The following PTPRZ1 variants were observed in gnomAD, a reference collection of about 807,000 sequenced individuals.
PTPRZ1 encodes receptor-type tyrosine-protein phosphatase zeta.
Under a neutral mutation model 214.1 loss-of-function variants are expected in PTPRZ1, and 82 were observed. The observed-to-expected ratio is 0.38, with a 90% CI of 0.32 to 0.46. The LOEUF (loss-of-function observed/expected upper bound fraction) is 0.46, where lower values mean the gene tolerates loss of function less well. Ranked by LOEUF, PTPRZ1 falls within the 20% of genes least tolerant of loss-of-function variation. PTPRZ1 has a pLI of 1.00. For missense variants in PTPRZ1, 2,603 were observed against 2,748.7 expected (o/e 0.95, Z 1.19); for synonymous variants, 945 against 987.9 (o/e 0.96, Z 0.81).
At chr7:122,015,923 CTG>C (rs1184432651) in intron 12 of PTPRZ1, among the ~76,000 whole-genome samples, 1 of 152,004 alleles carries the variant, frequency 6.6e-6, no homozygotes, top group African/African-American at 2.4e-5. Context: ...ATTTTTAAAA[CTG>C]TATCTATAAA....
At chr7:121,898,864 T>C (rs968651332) in intron 1 of PTPRZ1, among the ~76,000 whole-genome samples, 5 of 151,978 alleles carry the variant, frequency 3.3e-5, no homozygotes, top group African/African-American at 1.2e-4. Context: ...TAGAACAGAG[T>C]GTGTGTTCAA....
chr7:122,026,834 A>C (rs533420517), intron 13 of PTPRZ1, among the ~76,000 whole-genome samples: 1 of 152,188 alleles, frequency 6.6e-6, no homozygotes, highest in Non-Finnish European at 1.5e-5. Context: ...CAAGGTTATA[A>C]GTAAACTATA....
At position 122,010,910 on chromosome 7, in the gene PTPRZ1, C is replaced by T; in HGVS notation, c.1864C>T (p.Leu622Phe). Residue 622 changes from leucine (L) to phenylalanine (F), a missense_variant, in exon 12 of 30, where the codon CTT becomes TTT. By Grantham distance (22) the Leu-to-Phe change is conservative (BLOSUM62 0). Around this residue, in one of 6 missense-constraint regions of PTPRZ1, gnomAD observed 1,913 missense variants for 1,914.3 expected, o/e 1.00. Coordinates refer to ENST00000393386, the MANE Select transcript of PTPRZ1 (RefSeq NM_002851.3). ...CCCAGAGACAATAACATATGATGTC[C>T]TTATACCAGAATCTGCTAGAAATGC... ...ENPETITYDVLIPESARNASE... is the reference protein window; with the variant it reads ...ENPETITYDVFIPESARNASE... 1 of 1,614,024 alleles carries T rather than the reference C, an allele frequency of 6.2e-7. No individual in the cohort carries two copies. Among genetic ancestry groups the T allele is most frequent in the Non-Finnish European group, 8.5e-7 (1 of 1,179,982 alleles).
intron 2 of PTPRZ1, among the ~76,000 whole-genome samples, chr7:121,956,740 G>T (rs80263330): frequency 0.019 from 2,945 of 152,300 alleles, 86 homozygotes; most frequent in African/African-American, 0.067. Context: ...GAAAACATAA[G>T]AACTAATTTG....
chr7:121,874,577 C>A (rs988969865), intron 1 of PTPRZ1, among the ~76,000 whole-genome samples: 1 of 152,132 alleles, frequency 6.6e-6, no homozygotes, highest in African/African-American at 2.4e-5. Flanking sequence ...AGATATTAAG[C>A]GTACATTTTC....
chr7:121,915,410 A>G (rs1795396877), intron 1 of PTPRZ1, among the ~76,000 whole-genome samples: 1 of 152,202 alleles, frequency 6.6e-6, no homozygotes, highest in African/African-American at 2.4e-5. Context: ...TTTAAATAGT[A>G]TGTGAAGCAA....
At chr7:121,899,626 T>C (rs112622362) in intron 1 of PTPRZ1, among the ~76,000 whole-genome samples, 1 of 152,162 alleles carries the variant, frequency 6.6e-6, no homozygotes, top group African/African-American at 2.4e-5. Context: ...ACAGAGAAGA[T>C]GGGAACTTGG....
At chr7:122,038,711 A>C in intron 18 of PTPRZ1, 44 bp from the exon 19 acceptor site, 1 of 1,595,548 alleles carries the variant, frequency 6.3e-7, no homozygotes, top group Non-Finnish European at 8.6e-7. Flanking sequence ...TAAAGATGAC[A>C]TATAAATCAG....
intron 8 of PTPRZ1, among the ~76,000 whole-genome samples, chr7:121,995,172 A>G (rs950765386): frequency 8.5e-5 from 13 of 152,146 alleles, no homozygotes; most frequent in African/African-American, 3.1e-4. Context: ...CATGAGGTGA[A>G]CTGCAAACTA....
chr7:122,027,331 G>A (rs913324854), intron 13 of PTPRZ1, among the ~76,000 whole-genome samples: 4 of 152,190 alleles, frequency 2.6e-5, no homozygotes, highest in African/African-American at 9.6e-5. Context: ...ACTGAAGTAG[G>A]TTGGGGGCCA....
At chr7:122,002,335 G>A (rs1408733879) in intron 10 of PTPRZ1, among the ~76,000 whole-genome samples, 1 of 152,106 alleles carries the variant, frequency 6.6e-6, no homozygotes, top group Non-Finnish European at 1.5e-5. Flanking sequence ...TAACACTTGG[G>A]GGTGCTCACC....
Position 122,019,223 on chromosome 7 carries a change from CT to C in PTPRZ1, c.4947del (p.Phe1649LeufsTer4). 6.2e-7 allele frequency: 1 copy of C among 1,612,894 alleles called. No homozygotes were observed. The highest frequency in any genetic ancestry group is 8.5e-7 in the Non-Finnish European group (1 of 1,178,954). ...CCCCTTGTGATCGTGTCAGCCCTGA[CT>C]TTTATCTGTCTAGTGGTTCTTGTGG... ...VIPLVIVSAL[T>X]FICLVVLVGI... On this transcript the variant is annotated frameshift_variant, in exon 13 of 30. Coordinates refer to ENST00000393386, the MANE Select transcript of PTPRZ1 (RefSeq NM_002851.3). LOFTEE classifies it high-confidence loss of function.
intron 25 of PTPRZ1, among the ~76,000 whole-genome samples, chr7:122,053,011 A>G (rs375826743): frequency 2.0e-5 from 3 of 152,172 alleles, no homozygotes; most frequent in East Asian, 1.9e-4. Context: ...ATTCACCTGC[A>G]TGGGTTCCAT....
chr7:121,877,514 T>A (rs1329480675), intron 1 of PTPRZ1, among the ~76,000 whole-genome samples: 1 of 152,224 alleles, frequency 6.6e-6, no homozygotes, highest in African/African-American at 2.4e-5. Context: ...CACCGATGCA[T>A]ATGGTCATGT....
At chr7:121,881,011 G>T (rs1040994949) in intron 1 of PTPRZ1, among the ~76,000 whole-genome samples, 7 of 152,130 alleles carry the variant, frequency 4.6e-5, no homozygotes, top group African/African-American at 1.4e-4. Context: ...TGGTGTTATG[G>T]ACTGAATGTT....
intron 1 of PTPRZ1, among the ~76,000 whole-genome samples, chr7:121,911,793 T>C (rs1421159115): frequency 6.6e-6 from 1 of 151,996 alleles, no homozygotes; most frequent in Non-Finnish European, 1.5e-5. Context: ...TACACATATA[T>C]ATGAAATATG....
chr7:121,881,680 AAGG>A (rs1319325694), intron 1 of PTPRZ1, among the ~76,000 whole-genome samples: 1 of 152,160 alleles, frequency 6.6e-6, no homozygotes, highest in Non-Finnish European at 1.5e-5. Context: ...GTAACCCTAG[AAGG>A]AGGAGTATGC....
chr7:121,900,126 A>AC (rs1453338600), intron 1 of PTPRZ1, among the ~76,000 whole-genome samples: 2 of 152,162 alleles, frequency 1.3e-5, no homozygotes, highest in Non-Finnish European at 2.9e-5. Flanking sequence ...TTTGGATTTC[A>AC]GAGTGCAGAG....
intron 14 of PTPRZ1, among the ~76,000 whole-genome samples, chr7:122,030,154 A>G (rs1192107769): frequency 6.6e-6 from 1 of 152,044 alleles, no homozygotes; most frequent in African/African-American, 2.4e-5. Flanking sequence ...TTGAGTGTCA[A>G]AAGAGTGGTG....
Sources: allele counts gnomAD v4.1 joint callset (sites outside exome capture counted in the v4.1 genomes callset), GRCh38; gene constraint gnomAD v4.1.1; regional missense constraint gnomAD v4.1.1; transcripts MANE v1.5; gene names NCBI Gene and HGNC (gene_info 2026-07-23, HGNC 2026-07-21).